Variants in XPNPEP3 observed in about 807,000 individuals in gnomAD.
XPNPEP3 encodes xaa-Pro aminopeptidase 3.
In XPNPEP3, 41 loss-of-function variants were observed where a neutral mutation model predicts 60.0. The observed-to-expected ratio is 0.68, with a 90% confidence interval of 0.53 to 0.89. The LOEUF is 0.89. Ranked by LOEUF, XPNPEP3 falls within the 40% of genes least tolerant of loss-of-function variation. The pLI, the probability that XPNPEP3 is intolerant of heterozygous loss-of-function variation, is 0.00. For synonymous variants in XPNPEP3, 212 were observed against 223.2 expected (o/e 0.95, Z 0.45); for missense variants, 598 against 638.9 (o/e 0.94, Z 0.69).
intron 2 of XPNPEP3, 95 bp downstream of exon 2, chr22:40,869,210 T>C: frequency 1.8e-6 from 2 of 1,134,266 alleles, no homozygotes; most frequent in Non-Finnish European, 2.7e-6. Context: ...GGATCTGTGC[T>C]GTTCCATAAG....
In XPNPEP3 at chr22:40,928,940, C is replaced by T. The variant is rs1387441050; in HGVS notation, c.*2505C>T. The T allele has an allele frequency of 6.6e-6, 1 of 152,138 alleles. No individual in the cohort carries two copies. Among genetic ancestry groups the T allele is most frequent in the Non-Finnish European group, 1.5e-5 (1 of 68,034 alleles). 9.4% of individuals were successfully genotyped at this position (152,138 alleles called of 1,614,324 possible). On this transcript the variant is annotated 3_prime_UTR_variant, in exon 10 of 10. Transcript: ENST00000357137. ...GAATGCCTGGCTTTGCGCACCTTATCTAAGCAGCTCTCAGAATGGAGGCTG... is the reference window on the plus strand; with the variant it reads ...GAATGCCTGGCTTTGCGCACCTTATTTAAGCAGCTCTCAGAATGGAGGCTG...
chr22:40,867,558 G>A (rs2057984663), intron 1 of XPNPEP3, among the ~76,000 whole-genome samples: 8 of 151,664 alleles, frequency 5.3e-5, no homozygotes, highest in Admixed American at 5.3e-4. Flanking sequence ...AAATTGGTGT[G>A]GGTTTCCAAC....
At chr22:40,861,665 G>A in intron 1 of XPNPEP3, 2 of 1,614,122 alleles carry the variant, frequency 1.2e-6, no homozygotes, top group Non-Finnish European at 1.7e-6. Flanking sequence ...CTTCAAAGAA[G>A]TGAAAAGAAA....
intron 2 of XPNPEP3, among the ~76,000 whole-genome samples, chr22:40,876,641 A>G (rs1308942558): frequency 6.6e-6 from 1 of 152,158 alleles, no homozygotes; most frequent in Non-Finnish European, 1.5e-5. Flanking sequence ...CATAATACCT[A>G]TGCCAAACAT....
chr22:40,882,612 A>G (rs1166675726), intron 3 of XPNPEP3, among the ~76,000 whole-genome samples: 4 of 151,898 alleles, frequency 2.6e-5, no homozygotes, highest in Admixed American at 2.6e-4. Context: ...ATTCCAGCCT[A>G]GGCAACAAAG....
At chr22:40,877,232 A>G (rs1427999922) in intron 2 of XPNPEP3, among the ~76,000 whole-genome samples, 1 of 152,196 alleles carries the variant, frequency 6.6e-6, no homozygotes, top group Admixed American at 6.5e-5. Context: ...GTTTTACATT[A>G]TAAAGGAAAC....
chr22:40,914,707 C>T (rs969116232), intron 7 of XPNPEP3, among the ~76,000 whole-genome samples: 2 of 151,742 alleles, frequency 1.3e-5, no homozygotes, highest in Non-Finnish European at 2.9e-5. Context: ...ACTATAGGCA[C>T]ATTGCCACCA....
intron 1 of XPNPEP3, among the ~76,000 whole-genome samples, chr22:40,866,964 G>T (rs2057981393): frequency 6.6e-6 from 1 of 152,202 alleles, no homozygotes; most frequent in Non-Finnish European, 1.5e-5. Flanking sequence ...GATTACAGAA[G>T]ACACTATGTG....
In XPNPEP3 at chr22:40,861,873, T is replaced by G. The variant is rs2269619; in HGVS notation, c.64+4628T>G. 8.4e-3 allele frequency: 13,595 copies of G among 1,613,716 alleles called. 164 individuals are homozygous for G. The highest frequency in any genetic ancestry group is 0.043 in the East Asian group (1,936 of 44,868). ...TACTTCTTTGAATTTTCTCTCTGCT[T>G]CTTCTTTATTTTCTGGATTTTTATC... On this transcript the variant is annotated intron_variant, in intron 1 of 9. Transcript: ENST00000357137.
chr22:40,871,075 C>A (rs1291343181), intron 2 of XPNPEP3, among the ~76,000 whole-genome samples: 2 of 151,948 alleles, frequency 1.3e-5, no homozygotes, highest in African/African-American at 2.4e-5. Context: ...CTTAAAAAGT[C>A]TCTTAGGCCA....
intron 8 of XPNPEP3, among the ~76,000 whole-genome samples, chr22:40,923,923 T>C (rs2058225510): frequency 6.6e-6 from 1 of 152,136 alleles, no homozygotes; most frequent in African/African-American, 2.4e-5. Context: ...TGCTGTGAGC[T>C]ATTTAGGGTC....
At chr22:40,877,684 A>G (rs143227789) in intron 2 of XPNPEP3, among the ~76,000 whole-genome samples, 1 of 152,324 alleles carries the variant, frequency 6.6e-6, no homozygotes, top group Non-Finnish European at 1.5e-5. Context: ...GTGGTTCCAC[A>G]TCATAAAATG....
chr22:40,904,857 C>A (rs947935716), intron 4 of XPNPEP3, among the ~76,000 whole-genome samples: 1 of 151,908 alleles, frequency 6.6e-6, no homozygotes, highest in Non-Finnish European at 1.5e-5. Flanking sequence ...CTCCACCTTC[C>A]GGGTACAAGT....
At chr22:40,887,947 A>G (rs183498061) in intron 4 of XPNPEP3, among the ~76,000 whole-genome samples, 1 of 152,340 alleles carries the variant, frequency 6.6e-6, no homozygotes, top group African/African-American at 2.4e-5. Context: ...ACTGTGGTGA[A>G]ATGTGCATAA....
intron 4 of XPNPEP3, among the ~76,000 whole-genome samples, chr22:40,896,707 A>G (rs2058109595): frequency 6.6e-6 from 1 of 152,106 alleles, no homozygotes; most frequent in South Asian, 2.1e-4. Flanking sequence ...ATTCAATGAC[A>G]TTAGGTATAT....
chr22:40,896,013 A>C (rs2058106298), intron 4 of XPNPEP3, among the ~76,000 whole-genome samples: 1 of 152,188 alleles, frequency 6.6e-6, no homozygotes, highest in African/African-American at 2.4e-5. Flanking sequence ...TGCTGATATT[A>C]AAACACAGCA....
Position 40,932,599 on chromosome 22 carries a change from G to A in XPNPEP3, c.*6164G>A, listed in dbSNP as rs886057549. 6.6e-6 allele frequency: 1 copy of A among 152,068 alleles called. No homozygotes were observed. Among genetic ancestry groups the A allele is most frequent in the Non-Finnish European group, 1.5e-5 (1 of 68,034 alleles). 9.4% of individuals were successfully genotyped at this position (152,068 alleles called of 1,614,324 possible). ...AATCAGAGGACCCACTGGAATCAAG[G>A]CTTCTTGGAATTGCGCAAGAATCTG... On this transcript the variant is annotated 3_prime_UTR_variant, in exon 10 of 10. Transcript: ENST00000357137.
rs2146282110 is a variant in XPNPEP3 at position 40,924,346 on chromosome 22, C to T, written c.1237-16C>T. The T allele has an allele frequency of 6.2e-7, 1 of 1,613,998 alleles. No homozygotes were observed. On this transcript the variant is annotated splice_polypyrimidine_tract_variant and intron_variant, in intron 8 of 9. Transcript: ENST00000357137. ...GGTCATTGCTCTAATGATACTGTGA[C>T]AATTATCTTTTCCAGGCTGCTCGAA...
At chr22:40,859,702 T>C (rs1729006037) in intron 1 of XPNPEP3, 2 of 152,340 alleles carry the variant, frequency 1.3e-5, no homozygotes, top group Admixed American at 1.3e-4. Flanking sequence ...CTCTTGACTA[T>C]AGCTGTCTTT....
Sources: allele counts gnomAD v4.1 joint callset (sites outside exome capture counted in the v4.1 genomes callset), GRCh38; gene constraint gnomAD v4.1.1; transcripts MANE v1.5; gene names NCBI Gene and HGNC (gene_info 2026-07-23, HGNC 2026-07-21).